MYO16: variants seen among roughly 807,000 people sequenced by gnomAD.
MYO16 encodes myosin XVI.
In MYO16, 94 loss-of-function variants were observed where a neutral mutation model predicts 205.3. That is an observed-to-expected ratio of 0.46 (90% CI 0.39 to 0.54). The LOEUF (loss-of-function observed/expected upper bound fraction) is 0.54, where lower values mean the gene tolerates loss of function less well. Among genes scored for constraint, MYO16 ranks in the 20% least tolerant of loss-of-function variants. The probability of loss-of-function intolerance (pLI) is 0.00; values close to 1 mark genes in which losing one functional copy is unlikely to be tolerated. For synonymous variants in MYO16, 988 were observed against 954.0 expected (o/e 1.04, Z -0.66); for missense variants, 2,315 against 2,387.5 (o/e 0.97, Z 0.63).
chr13:108,573,628 T>C, the MYO16 span, among the ~76,000 whole-genome samples: 7 of 152,158 alleles, frequency 4.6e-5, no homozygotes, highest in African/African-American at 1.7e-4. Flanking sequence ...TCCATTGTAG[T>C]CTGGGAGTAG....
In MYO16 at chr13:109,055,171, G is replaced by A. The variant is rs188617054; in HGVS notation, c.3129+45G>A. The A allele has an allele frequency of 7.6e-6, 11 of 1,451,054 alleles. No individual in the cohort carries two copies. In the East Asian group the frequency reaches 1.4e-4, roughly 18 times the overall value. The allele number at this position is 1,451,054 out of a possible 1,614,324, so 89.9% of individuals were successfully genotyped here. Reference sequence around the variant, plus strand: ...TTCAAAAACTTAATGTATGTTTATAGCAACTAAAGAGGGTTTATGTAGACT... The same window carrying A: ...TTCAAAAACTTAATGTATGTTTATAACAACTAAAGAGGGTTTATGTAGACT... On this transcript the variant is annotated intron_variant, in intron 26 of 34. Transcript: ENST00000457511. The surrounding 1 kb of genome is among the most constrained non-coding windows in gnomAD (Gnocchi z 5.0).
In MYO16 at chr13:108,906,995, G is replaced by A. The variant is rs116758925; in HGVS notation, c.1778-3008G>A. Reference sequence around the variant, plus strand: ...TGAAAGAGAAAATATTTGGCTATCCGAATTCGTTGATAGTATGTTTTTGGT... The same window carrying A: ...TGAAAGAGAAAATATTTGGCTATCCAAATTCGTTGATAGTATGTTTTTGGT... On this transcript the variant is annotated intron_variant, in intron 15 of 34. Coordinates refer to ENST00000457511, the MANE Select transcript of MYO16 (RefSeq NM_001198950.3). Among the ~76,000 whole-genome samples the A allele has an allele frequency of 5.5e-3, 832 of 152,232 alleles. 5 individuals are homozygous for A. The highest frequency in any genetic ancestry group is 0.019 in the African/African-American group (790 of 41,536).
At chr13:108,841,810 C>A (rs186834716) in intron 9 of MYO16, among the ~76,000 whole-genome samples, 190 of 152,178 alleles carry the variant, frequency 1.2e-3, no homozygotes, top group South Asian at 1.9e-3. Context: ...AGCATCACAT[C>A]CCCTGATTTC....
intron 7 of MYO16, among the ~76,000 whole-genome samples, chr13:108,808,188 A>G (rs182240514): frequency 2.3e-3 from 347 of 152,252 alleles, no homozygotes; most frequent in African/African-American, 8.1e-3. Context: ...TCAGAAATGC[A>G]TAGACACAAA....
At chr13:109,017,777 C>T (rs1330455169) in intron 22 of MYO16, among the ~76,000 whole-genome samples, 3 of 152,158 alleles carry the variant, frequency 2.0e-5, no homozygotes, top group Non-Finnish European at 2.9e-5. Flanking sequence ...CTTGTGCATG[C>T]GTCACGTAGT....
At chr13:109,083,526 T>C (rs973263615) in intron 27 of MYO16, among the ~76,000 whole-genome samples, 2 of 150,622 alleles carry the variant, frequency 1.3e-5, no homozygotes, top group African/African-American at 4.9e-5. Context: ...AGAAAGATGA[T>C]ATAGATTGAG....
chr13:108,704,270 G>T (rs570915125), intron 2 of MYO16, among the ~76,000 whole-genome samples: 13 of 152,260 alleles, frequency 8.5e-5, no homozygotes, highest in Admixed American at 5.9e-4. Context: ...AATAATGCTA[G>T]ATAAATGAAA....
At chr13:108,866,328 C>A in intron 12 of MYO16, 86 bp downstream of exon 12, 1 of 777,414 alleles carries the variant, frequency 1.3e-6, no homozygotes, top group Non-Finnish European at 2.0e-6. Context: ...CTAAAAAAAA[C>A]AGGCAAACTT....
chr13:108,672,182 C>T (rs919483230), intron 2 of MYO16, among the ~76,000 whole-genome samples: 3 of 152,064 alleles, frequency 2.0e-5, no homozygotes, highest in Non-Finnish European at 2.9e-5. Context: ...AACAGTATAA[C>T]GTCTCTAGCA....
chr13:109,061,502 G>T (rs72656207), intron 27 of MYO16, among the ~76,000 whole-genome samples: 1 of 152,214 alleles, frequency 6.6e-6, no homozygotes, highest in African/African-American at 2.4e-5. Context: ...TAATAATTCT[G>T]TGTTTCAGTG....
Position 108,898,072 on chromosome 13 carries a change from C to T in MYO16, c.1716C>T (p.Ser572=). The change falls in exon 15 of 35, where the codon TCC becomes TCT. Residue 572 remains serine (S), a synonymous_variant. Coordinates refer to ENST00000457511, the MANE Select transcript of MYO16 (RefSeq NM_001198950.3). ...CCAAGACCACACTTAATGATTTGTCCAGTTGCTTCATCAAGTATTTTGAAC... is the reference window on the plus strand; with the variant it reads ...CCAAGACCACACTTAATGATTTGTCTAGTTGCTTCATCAAGTATTTTGAAC... ...GHAKTTLNDL[S]SCFIKYFELQ... The T allele has an allele frequency of 6.2e-7, 1 of 1,614,094 alleles. No homozygotes were observed. Among genetic ancestry groups the T allele is most frequent in the South Asian group, 1.1e-5 (1 of 91,082 alleles).
intron 14 of MYO16, among the ~76,000 whole-genome samples, chr13:108,897,369 T>C (rs151095885): frequency 3.7e-4 from 57 of 152,238 alleles, no homozygotes; most frequent in Non-Finnish European, 6.9e-4. Context: ...AGCTTTATCA[T>C]AGCGTTGCAA....
chr13:108,802,970 G>A (rs1887011345), intron 6 of MYO16, among the ~76,000 whole-genome samples: 1 of 152,148 alleles, frequency 6.6e-6, no homozygotes, highest in Non-Finnish European at 1.5e-5. Context: ...TATCAAGGGA[G>A]TGGCATCGTT....
intron 27 of MYO16, among the ~76,000 whole-genome samples, chr13:109,059,375 A>G (rs1019123292): frequency 4.6e-5 from 7 of 152,194 alleles, no homozygotes; most frequent in African/African-American, 1.4e-4. Context: ...GTTAGCAGGC[A>G]TGAAAACAAC....
At chr13:109,001,076 T>G (rs1252639275) in intron 21 of MYO16, among the ~76,000 whole-genome samples, 2 of 151,876 alleles carry the variant, frequency 1.3e-5, no homozygotes, top group East Asian at 3.9e-4. Context: ...GAAATTTATA[T>G]TTACTTAAAA....
intron 25 of MYO16, among the ~76,000 whole-genome samples, 186 bp downstream of exon 25, chr13:109,052,661 AG>A (rs1887282806): frequency 6.6e-6 from 1 of 152,132 alleles, no homozygotes. Context: ...AGGAAGGTGC[AG>A]CAGAGTGACA....
intron 16 of MYO16, among the ~76,000 whole-genome samples, chr13:108,921,549 G>A (rs533690600): frequency 5.9e-5 from 9 of 152,230 alleles, no homozygotes; most frequent in African/African-American, 2.2e-4. Context: ...TATTGATATA[G>A]GACATTGCAA....
chr13:108,591,333 G>T (rs1211911434), upstream of MYO16, among the ~76,000 whole-genome samples: 1 of 152,144 alleles, frequency 6.6e-6, no homozygotes, highest in Non-Finnish European at 1.5e-5. Context: ...GGAGTTAGTT[G>T]TTAAAAACAC....
the MYO16 span, among the ~76,000 whole-genome samples, chr13:108,541,705 A>G: frequency 5.3e-5 from 8 of 152,276 alleles, no homozygotes; most frequent in African/African-American, 1.4e-4. Context: ...AAACAAGCAT[A>G]TAAAAATGCT....
Sources: allele counts gnomAD v4.1 joint callset (sites outside exome capture counted in the v4.1 genomes callset), GRCh38; gene constraint gnomAD v4.1.1; non-coding constraint Gnocchi (gnomAD v3.1); transcripts MANE v1.5; gene names NCBI Gene and HGNC (gene_info 2026-07-23, HGNC 2026-07-21).